The following ICAM2 variants were observed in gnomAD, a reference collection of about 807,000 sequenced individuals.
ICAM2 encodes the protein ICAM-2.
ICAM2 carries 14 observed loss-of-function variants against 19.1 expected under a neutral mutation model. The observed-to-expected ratio is 0.73, with a 90% CI of 0.48 to 1.15. The LOEUF is 1.15. Among genes scored for constraint, ICAM2 ranks in the 50% most tolerant of loss-of-function variants. The probability of loss-of-function intolerance (pLI) is 0.00; values close to 1 mark genes in which losing one functional copy is unlikely to be tolerated. For synonymous variants in ICAM2, 153 were observed against 152.7 expected, an observed-to-expected ratio of 1.00 and a Z score of -0.01; for missense variants, 311 against 355.4, an observed-to-expected ratio of 0.88 and a Z score of 1.00.
intron 1 of ICAM2, among the ~76,000 whole-genome samples, chr17:64,011,896 C>A (rs1488550839): frequency 6.6e-6 from 1 of 152,198 alleles, no homozygotes; most frequent in Non-Finnish European, 1.5e-5. Context: ...TACAGAGGAT[C>A]TAGCAATCCC....
At chr17:64,008,150 T>C (rs1017614709) in intron 1 of ICAM2, among the ~76,000 whole-genome samples, 3 of 152,204 alleles carry the variant, frequency 2.0e-5, no homozygotes, top group Non-Finnish European at 4.4e-5. Context: ...ATTGTCAGCC[T>C]GGACCCAGGG....
At chr17:64,003,408 A>G (rs1171861068) in intron 4 of ICAM2, 5 of 560,656 alleles carry the variant, frequency 8.9e-6, no homozygotes, top group East Asian at 3.1e-5. Context: ...CGTCAAGGTC[A>G]TGGGGCTTGA....
At chr17:64,014,400 GAAGGAAGA>G (rs373085687) in intron 1 of ICAM2, among the ~76,000 whole-genome samples, 2,259 of 63,378 alleles carry the variant, frequency 0.036, 133 homozygotes, top group Non-Finnish European at 0.052. Flanking sequence ...AGGAAGGAAG[GAAGGAAGA>G]GAAAGAGAAA....
At chr17:64,017,401 A>G (rs1452323576) in intron 1 of ICAM2, among the ~76,000 whole-genome samples, 1 of 152,230 alleles carries the variant, frequency 6.6e-6, no homozygotes, top group African/African-American at 2.4e-5. Flanking sequence ...CTAGAACTAT[A>G]AGACCTATAG....
At chr17:64,016,528 G>A (rs1187419348) in intron 1 of ICAM2, among the ~76,000 whole-genome samples, 1 of 152,224 alleles carries the variant, frequency 6.6e-6, no homozygotes, top group African/African-American at 2.4e-5. Flanking sequence ...GTGTGGGAGA[G>A]TTAAGGTCCC....
rs1250129883 is a variant in ICAM2 at position 64,020,528 on chromosome 17, T to G, written c.-50A>C. 6.6e-6 allele frequency: 1 copy of G among 152,206 alleles called. No individual in the cohort carries two copies. Among genetic ancestry groups the G allele is most frequent in the African/African-American group, 2.4e-5 (1 of 41,444 alleles). The allele number at this position is 152,206 out of a possible 1,614,324, so 9.4% of individuals were successfully genotyped here. A position where few individuals can be genotyped will look rare whatever the true frequency, so the allele number is the denominator to read the frequency against. On this transcript the variant is annotated 5_prime_UTR_variant, in exon 1 of 5. Coordinates refer to ENST00000579788, the MANE Select transcript of ICAM2 (RefSeq NM_001099789.2). ...AGTGAGAAGCTCAACCTTACCCCTGTGGGCTCCAAGAAGGGTAGCTCTGGG... is the reference window on the plus strand; with the variant it reads ...AGTGAGAAGCTCAACCTTACCCCTGGGGGCTCCAAGAAGGGTAGCTCTGGG...
chr17:64,005,360 C>T lies in ICAM2; in HGVS notation c.75G>A (p.Lys25=). Reference sequence around the variant, plus strand: ...TTGGCCTCACGTGTACCTCGAATACCTTCTCATCCGATCCTGGAAAACCAG... The same window carrying T: ...TTGGCCTCACGTGTACCTCGAATACTTTCTCATCCGATCCTGGAAAACCAG... ...TLICCPGSDE[K]VFEVHVRPKK... is the part of the protein sequence containing the mutation. Residue 25 remains lysine (K), a synonymous_variant, in exon 3 of 5, where the codon AAG becomes AAA. Transcript: ENST00000579788. 6.2e-7 allele frequency: 1 copy of T among 1,613,056 alleles called. No individual in the cohort carries two copies.
At chr17:64,004,677 G>A (rs534120517) in intron 3 of ICAM2, 4 of 278,338 alleles carry the variant, frequency 1.4e-5, no homozygotes, top group East Asian at 1.6e-4. Flanking sequence ...GGTGGAGTGT[G>A]ATGGCCACAC....
intron 1 of ICAM2, among the ~76,000 whole-genome samples, chr17:64,009,981 C>G (rs756028937): frequency 2.0e-5 from 3 of 152,146 alleles, no homozygotes; most frequent in Non-Finnish European, 2.9e-5. Context: ...CAAAAGAATG[C>G]AGTTTCCATA....
At chr17:64,011,060 T>C (rs763975451) in intron 1 of ICAM2, among the ~76,000 whole-genome samples, 2 of 152,028 alleles carry the variant, frequency 1.3e-5, no homozygotes, top group Non-Finnish European at 2.9e-5. Context: ...ACCAGCCCAA[T>C]GTCTCTTGGA....
intron 1 of ICAM2, among the ~76,000 whole-genome samples, chr17:64,011,372 G>T (rs1013112331): frequency 6.6e-6 from 1 of 152,200 alleles, no homozygotes; most frequent in African/African-American, 2.4e-5. Context: ...TGAGGCAGGA[G>T]AATTGCTTGA....
chr17:64,018,352 A>AC lies in ICAM2; in HGVS notation c.-45+2170_-45+2171insG, dbSNP rs543353561. On this transcript the variant is annotated intron_variant, in intron 1 of 4. Coordinates refer to ENST00000579788, the MANE Select transcript of ICAM2 (RefSeq NM_001099789.2). ...CTATCTCAAAAAAAAAAAAAAAAAA[A>AC]AAAAAGACACAAAGAAACATTTCAA... 1.3e-4 allele frequency among the ~76,000 whole-genome samples: 19 copies of AC among 150,780 alleles called. No individual in the cohort carries two copies. The South Asian group carries it at 2.3e-3, about 18-fold the overall frequency.
At chr17:64,019,371 G>A (rs1911850620) in intron 1 of ICAM2, among the ~76,000 whole-genome samples, 1 of 150,976 alleles carries the variant, frequency 6.6e-6, no homozygotes, top group African/African-American at 2.4e-5. Flanking sequence ...ACTCCAGCCT[G>A]GGAAATATAG....
At chr17:64,014,540 A>AAAGG (rs762252508) in intron 1 of ICAM2, among the ~76,000 whole-genome samples, 2 of 144,352 alleles carry the variant, frequency 1.4e-5, no homozygotes, top group Non-Finnish European at 3.0e-5. Context: ...AGAGAGAGAG[A>AAAGG]AAGGAAGGAA....
intron 1 of ICAM2, among the ~76,000 whole-genome samples, chr17:64,016,365 T>C (rs1441405097): frequency 6.6e-6 from 1 of 152,190 alleles, no homozygotes; most frequent in African/African-American, 2.4e-5. Context: ...GTCCCTACAG[T>C]GGATGATTTT....
intron 1 of ICAM2, among the ~76,000 whole-genome samples, chr17:64,018,130 G>A (rs985084592): frequency 2.0e-5 from 3 of 151,910 alleles, no homozygotes; most frequent in Non-Finnish European, 4.4e-5. Flanking sequence ...TCAGAAGATC[G>A]AGACCATCCT....
At chr17:64,003,590 G>A (rs1910961515) in intron 4 of ICAM2, 54 bp downstream of exon 4, 13 of 1,528,346 alleles carry the variant, frequency 8.5e-6, no homozygotes, top group East Asian at 4.5e-5. Flanking sequence ...TTCTTCCCCC[G>A]AGGGGCTGAA....
In ICAM2 at chr17:64,003,663, C is replaced by T. The variant is rs200207991; in HGVS notation, c.630G>A (p.Pro210=). The T allele has an allele frequency of 1.4e-4, 228 of 1,613,728 alleles. No homozygotes were observed. In the Middle Eastern group the frequency reaches 4.5e-3, roughly 32 times the overall value. ...GGNIFHKHSA[P]KMLEIYEPVS... Reference sequence around the variant, plus strand: ...CCTCACCATAGATCTCCAACATCTTCGGGGCTGAGTGTTTGTGAAAGATGT... The same window carrying T: ...CCTCACCATAGATCTCCAACATCTTTGGGGCTGAGTGTTTGTGAAAGATGT... The change falls in exon 4 of 5, where the codon CCG becomes CCA. Residue 210 remains proline, a synonymous_variant. Coordinates refer to ENST00000579788, the MANE Select transcript of ICAM2 (RefSeq NM_001099789.2).
At chr17:64,010,938 G>A (rs1347577377) in intron 1 of ICAM2, among the ~76,000 whole-genome samples, 1 of 151,950 alleles carries the variant, frequency 6.6e-6, no homozygotes, top group Non-Finnish European at 1.5e-5. Context: ...TAAGGAATGG[G>A]AGAAAATATT....
Sources: allele counts gnomAD v4.1 joint callset (sites outside exome capture counted in the v4.1 genomes callset), GRCh38; gene constraint gnomAD v4.1.1; transcripts MANE v1.5; gene names NCBI Gene and HGNC (gene_info 2026-07-23, HGNC 2026-07-21).